The following NEO1 variants were observed in gnomAD, a reference collection of about 807,000 sequenced individuals.
NEO1 encodes the protein neogenin 1.
A neutral mutation model predicts 159.7 loss-of-function variants in NEO1; 63 were observed. The ratio of observed to expected loss-of-function variants is 0.39; its 90% CI spans 0.32 to 0.49. The LOEUF (loss-of-function observed/expected upper bound fraction) is 0.49. Ranked by LOEUF, NEO1 falls within the 20% of genes least tolerant of loss-of-function variation. NEO1 has a pLI of 0.85. For synonymous variants in NEO1, 633 were observed against 662.0 expected, an observed-to-expected ratio of 0.96 and a Z score of 0.67; for missense variants, 1,615 against 1,831.0, an observed-to-expected ratio of 0.88 and a Z score of 2.15.
intron 7 of NEO1, among the ~76,000 whole-genome samples, chr15:73,179,456 G>A (rs748225857): frequency 5.3e-5 from 8 of 152,162 alleles, no homozygotes; most frequent in Non-Finnish European, 8.8e-5. Context: ...TTACAGAGAG[G>A]TATCTCACTG....
intron 5 of NEO1, among the ~76,000 whole-genome samples, chr15:73,160,661 C>T (rs556276054): frequency 1.3e-3 from 202 of 152,146 alleles, no homozygotes; most frequent in African/African-American, 4.6e-3. Flanking sequence ...TAAATTTAAC[C>T]GTTTATTATA....
intron 15 of NEO1, among the ~76,000 whole-genome samples, 165 bp from the exon 16 acceptor site, chr15:73,266,151 G>A (rs2040880427): frequency 6.6e-6 from 1 of 152,176 alleles, no homozygotes; most frequent in Non-Finnish European, 1.5e-5. Context: ...TGTACTGTGT[G>A]TACTTCCATC....
chr15:73,078,302 A>G (rs2068873306), intron 1 of NEO1, among the ~76,000 whole-genome samples: 1 of 152,156 alleles, frequency 6.6e-6, no homozygotes, highest in Admixed American at 6.5e-5. Flanking sequence ...AGGGAGAAGG[A>G]TATTGACAAT....
intron 14 of NEO1, 181 bp downstream of exon 14, chr15:73,259,057 G>A (rs2040496355): frequency 1.8e-6 from 1 of 552,572 alleles, no homozygotes; most frequent in African/African-American, 1.9e-5. Flanking sequence ...GCAGTGCCTT[G>A]TAGAGAACTG....
chr15:73,152,670 G>T (rs975409615), intron 5 of NEO1, among the ~76,000 whole-genome samples: 8 of 152,160 alleles, frequency 5.3e-5, no homozygotes, highest in Admixed American at 5.2e-4. Flanking sequence ...GCTTGTAACC[G>T]GTTGGGGGTG....
chr15:73,173,518 T>C (rs1194766541), intron 5 of NEO1, among the ~76,000 whole-genome samples: 7 of 152,128 alleles, frequency 4.6e-5, no homozygotes, highest in African/African-American at 1.4e-4. Flanking sequence ...ACTTAGTAAG[T>C]CTAGTTTGTT....
intron 7 of NEO1, among the ~76,000 whole-genome samples, chr15:73,209,065 G>T (rs971748607): frequency 6.6e-6 from 1 of 152,154 alleles, no homozygotes; most frequent in African/African-American, 2.4e-5. Flanking sequence ...CATCACCAAT[G>T]TGTAGTATTA....
chr15:73,244,954 C>CAAAAAAAAAAAAAAAAAAAA lies in NEO1; in HGVS notation c.1606+466_1606+485dup, dbSNP rs57566986. On this transcript the variant is annotated intron_variant, in intron 9 of 28. Coordinates refer to ENST00000261908, the MANE Select transcript of NEO1 (RefSeq NM_002499.4). ...TGGGTGACAGAGTGAGACTCTGTCT[C>CAAAAAAAAAAAAAAAAAAAA]AAAAAAAAAAAAAAAAAAAAAAAAA... Among the ~76,000 whole-genome samples the CAAAAAAAAAAAAAAAAAAAA allele has an allele frequency of 1.1e-3, 19 of 16,524 alleles. 1 individual carries two copies. The highest frequency in any genetic ancestry group is 1.3e-3 in the Non-Finnish European group (11 of 8,780). The allele number at this position is 16,524 out of a possible 152,430, so 10.8% of individuals were successfully genotyped here.
At chr15:73,172,156 A>G (rs1007955887) in intron 5 of NEO1, among the ~76,000 whole-genome samples, 1 of 152,184 alleles carries the variant, frequency 6.6e-6, no homozygotes, top group Admixed American at 6.5e-5. Context: ...TGTTGAATCA[A>G]CGTAATAGGT....
chr15:73,238,085 G>A (rs2039283918), intron 8 of NEO1, among the ~76,000 whole-genome samples: 1 of 152,064 alleles, frequency 6.6e-6, no homozygotes, highest in Non-Finnish European at 1.5e-5. Flanking sequence ...AAATGCTCGG[G>A]AAATTTTGCA....
At chr15:73,090,140 T>C (rs1013736595) in intron 1 of NEO1, among the ~76,000 whole-genome samples, 1 of 152,218 alleles carries the variant, frequency 6.6e-6, no homozygotes, top group Non-Finnish European at 1.5e-5. Context: ...TCAAGATACA[T>C]TGTTATGTGA....
At chr15:73,263,224 C>G (rs1215023491) in intron 15 of NEO1, among the ~76,000 whole-genome samples, 2 of 140,624 alleles carry the variant, frequency 1.4e-5, no homozygotes, top group East Asian at 4.2e-4. Flanking sequence ...GACAGCATCT[C>G]ACTCTGTTGC....
chr15:73,287,046 G>C (rs2041974422), intron 23 of NEO1, among the ~76,000 whole-genome samples: 1 of 152,076 alleles, frequency 6.6e-6, no homozygotes, highest in South Asian at 2.1e-4. Flanking sequence ...ACTCACAAAG[G>C]GAAGTTCACA....
intron 1 of NEO1, among the ~76,000 whole-genome samples, chr15:73,085,656 T>C (rs1406440432): frequency 1.3e-5 from 2 of 152,172 alleles, no homozygotes; most frequent in Admixed American, 1.3e-4. Context: ...TTTTGTTTTG[T>C]TTTAGCCATT....
At chr15:73,253,259 G>A (rs970748687) in intron 11 of NEO1, 141 bp from the exon 12 acceptor site, 4 of 460,660 alleles carry the variant, frequency 8.7e-6, no homozygotes, top group South Asian at 5.4e-5. Context: ...CAACATGAGG[G>A]CATTGGCAGC....
intron 1 of NEO1, among the ~76,000 whole-genome samples, chr15:73,061,300 G>A (rs1342602766): frequency 6.6e-6 from 1 of 152,202 alleles, no homozygotes. Context: ...GCCAAGTTGA[G>A]GAAAATTTCT....
chr15:73,247,149 T>C (rs2039836833), intron 9 of NEO1, among the ~76,000 whole-genome samples: 1 of 152,198 alleles, frequency 6.6e-6, no homozygotes, highest in Non-Finnish European at 1.5e-5. Context: ...GAGAAGAGAC[T>C]ATAACATGTT....
chr15:73,238,816 A>G (rs2039335338), intron 8 of NEO1, among the ~76,000 whole-genome samples: 1 of 151,716 alleles, frequency 6.6e-6, no homozygotes, highest in African/African-American at 2.4e-5. Context: ...AAGCAAAATG[A>G]TGGGGGTTTT....
intron 7 of NEO1, among the ~76,000 whole-genome samples, chr15:73,206,016 T>A (rs1425274480): frequency 1.3e-5 from 2 of 152,116 alleles, no homozygotes; most frequent in East Asian, 3.9e-4. Flanking sequence ...CAAGTGATTC[T>A]CATGCCTCAG....
Sources: gnomAD v4.1 joint callset for allele counts (sites outside exome capture counted in the v4.1 genomes callset) on GRCh38, gnomAD v4.1.1 for gene constraint, MANE v1.5 for transcripts, NCBI Gene and HGNC (gene_info 2026-07-23, HGNC 2026-07-21) for gene names.